ALDH9A1: variants seen among roughly 807,000 people sequenced by gnomAD.
ALDH9A1 encodes aldehyde dehydrogenase 9 family member A1, also known as 4-trimethylaminobutyraldehyde dehydrogenase.
ALDH9A1 carries 42 observed loss-of-function variants against 56.6 expected under a neutral mutation model. That is an observed-to-expected ratio of 0.74 (90% confidence interval 0.58 to 0.96). ALDH9A1 has a LOEUF of 0.96. Ranked by LOEUF, ALDH9A1 falls within the 40% of genes least tolerant of loss-of-function variation. The pLI is 0.00. For synonymous variants in ALDH9A1, 242 were observed against 236.0 expected, an observed-to-expected ratio of 1.03 and a Z score of -0.23; for missense variants, 661 against 651.5, an observed-to-expected ratio of 1.01 and a Z score of -0.16.
At chr1:165,690,420 C>A (rs568908706) in intron 2 of ALDH9A1, among the ~76,000 whole-genome samples, 55 of 152,152 alleles carry the variant, frequency 3.6e-4, no homozygotes, top group Non-Finnish European at 5.7e-4. Context: ...ATCTTTAAGA[C>A]TATAAAAAGT....
chr1:165,680,518 G>C lies in ALDH9A1; in HGVS notation c.758C>G (p.Ser253Cys). 6.2e-7 allele frequency: 1 copy of C among 1,614,150 alleles called. No individual in the cohort carries two copies. The highest frequency in any genetic ancestry group is 8.5e-7 in the Non-Finnish European group (1 of 1,180,010). ...GCCAGTGGGCACACTTCCAGTGAAG[G>C]AGACTTTGGCCACATCGGGATGCTG... ...LCQHPDVAKV[S>C]FTGSVPTGMK... The change falls in exon 5 of 11, where the codon TCC becomes TGC. Residue 253 changes from serine (S) to cysteine (C), a missense_variant. Ser to Cys is a moderately radical substitution (Grantham distance 112, BLOSUM62 -1). Coordinates refer to ENST00000354775, the MANE Select transcript of ALDH9A1 (RefSeq NM_000696.4).
intron 4 of ALDH9A1, 102 bp from the exon 5 acceptor site, chr1:165,680,785 T>C: frequency 8.7e-7 from 1 of 1,148,962 alleles, no homozygotes; most frequent in African/African-American, 1.6e-5. Flanking sequence ...AATTGTTTCC[T>C]CTTCCCCAAC....
chr1:165,679,329 T>C, intron 6 of ALDH9A1, 113 bp downstream of exon 6: 2 of 1,235,736 alleles, frequency 1.6e-6, no homozygotes, highest in Non-Finnish European at 2.2e-6. Context: ...TTGTACTATT[T>C]GTGCAACTTT....
intron 1 of ALDH9A1, 91 bp from the exon 2 acceptor site, chr1:165,695,488 T>TA: frequency 1.6e-5 from 3 of 182,322 alleles, no homozygotes; most frequent in Non-Finnish European, 2.5e-5. Flanking sequence ...AGTAGTAGTC[T>TA]TTTTTTTTTT....
chr1:165,696,726 C>T (rs1209525642), intron 1 of ALDH9A1, among the ~76,000 whole-genome samples: 1 of 152,176 alleles, frequency 6.6e-6, no homozygotes, highest in Non-Finnish European at 1.5e-5. Context: ...CTCAGCAAAT[C>T]CTCTTCACAA....
At position 165,667,333 on chromosome 1, in the gene ALDH9A1, C is replaced by A; in HGVS notation, c.1325G>T (p.Gly442Val). The A allele has an allele frequency of 1.2e-6, 2 of 1,614,090 alleles. No homozygotes were observed. The highest frequency in any genetic ancestry group is 1.7e-6 in the Non-Finnish European group (2 of 1,179,986). ...VLERANDTTF[G>V]LAAGVFTRDI... ...CCTGGTAAAGACGCCAGCTGCTAGTCCAAAAGTGGTATCATTGGCTCTTTC... is the reference window on the plus strand; with the variant it reads ...CCTGGTAAAGACGCCAGCTGCTAGTACAAAAGTGGTATCATTGGCTCTTTC... Residue 442 changes from glycine to valine, a missense_variant, in exon 9 of 11, where the codon GGA (glycine) becomes GTA (valine). Gly to Val is a moderately radical substitution (Grantham distance 109, BLOSUM62 -3). Transcript: ENST00000354775.
chr1:165,672,150 A>G (rs756955648), intron 6 of ALDH9A1, among the ~76,000 whole-genome samples: 6 of 152,236 alleles, frequency 3.9e-5, no homozygotes, highest in Admixed American at 3.3e-4. Context: ...TACTTCTACT[A>G]TAGATATCTG....
At chr1:165,682,430 C>A (rs1649581528) in intron 3 of ALDH9A1, among the ~76,000 whole-genome samples, 189 bp from the exon 4 acceptor site, 1 of 152,184 alleles carries the variant, frequency 6.6e-6, no homozygotes, top group South Asian at 2.1e-4. Context: ...CGTATTCTCT[C>A]CACATAGAGA....
intron 9 of ALDH9A1, 131 bp from the exon 10 acceptor site, chr1:165,665,261 A>T (rs1648972453): frequency 1.4e-6 from 1 of 719,886 alleles, no homozygotes; most frequent in Admixed American, 2.7e-5. Context: ...ATGTTTTAAA[A>T]TCTTTTATCA....
chr1:165,682,499 T>C (rs1209336931), intron 3 of ALDH9A1, among the ~76,000 whole-genome samples: 2 of 152,164 alleles, frequency 1.3e-5, no homozygotes, highest in African/African-American at 4.8e-5. Flanking sequence ...TCTCTAAGAA[T>C]TTACTGAGCC....
chr1:165,666,691 T>A (rs1376659752), intron 9 of ALDH9A1, among the ~76,000 whole-genome samples: 2 of 152,172 alleles, frequency 1.3e-5, no homozygotes, highest in East Asian at 3.9e-4. Flanking sequence ...AACAGCATAA[T>A]CCCAAGTGTA....
intron 6 of ALDH9A1, 116 bp downstream of exon 6, chr1:165,679,326 A>C: frequency 8.2e-7 from 1 of 1,218,606 alleles, no homozygotes; most frequent in African/African-American, 1.5e-5. Flanking sequence ...TCTTTGTACT[A>C]TTTGTGCAAC....
chr1:165,688,926 C>G (rs763316660), intron 2 of ALDH9A1, among the ~76,000 whole-genome samples: 1 of 151,784 alleles, frequency 6.6e-6, no homozygotes, highest in Admixed American at 6.6e-5. Flanking sequence ...AAACACCACA[C>G]AGGTATCAAA....
intron 2 of ALDH9A1, among the ~76,000 whole-genome samples, chr1:165,691,809 C>T (rs952893724): frequency 6.6e-6 from 1 of 152,058 alleles, no homozygotes; most frequent in Non-Finnish European, 1.5e-5. Flanking sequence ...AACATCGATG[C>T]AAAAATCCTC....
rs760298416 is a variant in ALDH9A1, at chr1:165,698,492, C to A, written c.67G>T (p.Ala23Ser). Residue 23 changes from alanine (A) to serine (S), a missense_variant, in exon 1 of 11, where the codon GCC becomes TCC. Transcript: ENST00000354775. ...LLRSLRPSPV[A>S]AMSTGTFVVS... Reference sequence around the variant, plus strand: ...ACGAAGGTGCCAGTGCTCATGGCGGCGACAGGAGAGGGCCGAAGACTGCGA... The same window carrying A: ...ACGAAGGTGCCAGTGCTCATGGCGGAGACAGGAGAGGGCCGAAGACTGCGA... 6.2e-7 allele frequency: 1 copy of A among 1,608,298 alleles called. No homozygotes were observed. Among genetic ancestry groups the A allele is most frequent in the Non-Finnish European group, 8.5e-7 (1 of 1,177,786 alleles).
chr1:165,695,487 CTTTTTTTTTTT>C, intron 1 of ALDH9A1, 90 bp from the exon 2 acceptor site: 1 of 337,850 alleles, frequency 3.0e-6, no homozygotes, highest in African/African-American at 3.6e-5. Context: ...TAGTAGTAGT[CTTTTTTTTTTT>C]TTTTTTTTTT....
At position 165,668,004 on chromosome 1, in the gene ALDH9A1, G is replaced by C. The variant is rs183324257; in HGVS notation, c.1208-554C>G. ...GCATAAGAATGATAAAAACAACACT[G>C]AGAATAGTAGTTACCTCTGAAGTAG... On this transcript the variant is annotated intron_variant, in intron 8 of 10. Coordinates refer to ENST00000354775, the MANE Select transcript of ALDH9A1 (RefSeq NM_000696.4). Among the ~76,000 whole-genome samples the C allele has an allele frequency of 6.6e-4, 100 of 152,236 alleles. 3 individuals are homozygous for C. The highest frequency in any genetic ancestry group is 2.2e-3 in the African/African-American group (91 of 41,544).
intron 2 of ALDH9A1, among the ~76,000 whole-genome samples, chr1:165,689,270 T>G (rs556071792): frequency 6.6e-6 from 1 of 152,210 alleles, no homozygotes; most frequent in African/African-American, 2.4e-5. Flanking sequence ...CAAAGGACAC[T>G]GACGAGTTGA....
At chr1:165,685,217 T>C (rs914158130) in intron 2 of ALDH9A1, among the ~76,000 whole-genome samples, 1 of 152,202 alleles carries the variant, frequency 6.6e-6, no homozygotes, top group African/African-American at 2.4e-5. Flanking sequence ...CTTTACAATA[T>C]GACTTGACCA....
Sources: gnomAD v4.1 joint callset for allele counts (sites outside exome capture counted in the v4.1 genomes callset) on GRCh38, gnomAD v4.1.1 for gene constraint, MANE v1.5 for transcripts, NCBI Gene and HGNC (gene_info 2026-07-23, HGNC 2026-07-21) for gene names.